DNMT1: variants seen among roughly 807,000 people sequenced by gnomAD.
DNMT1 encodes DNA methyltransferase 1.
Under a neutral mutation model 205.3 loss-of-function variants are expected in DNMT1, and 24 were observed. The ratio of observed to expected loss-of-function variants is 0.12; its 90% CI spans 0.08 to 0.16. DNMT1 has a LOEUF of 0.16. DNMT1 is among the 10% of genes least tolerant of loss of function. The probability of loss-of-function intolerance (pLI) is 1.00; values close to 1 mark genes in which losing one functional copy is unlikely to be tolerated. For missense variants in DNMT1, 1,293 were observed against 2,177.7 expected (o/e 0.59, Z 8.09); for synonymous variants, 817 against 839.8 (o/e 0.97, Z 0.47).
chr19:10,166,606 C>G lies in DNMT1; in HGVS notation c.883G>C (p.Asp295His), dbSNP rs2038698559. ...GVQADEDEDG[D>H]EKDEKKHRSQ... The stretch of plus-strand genomic sequence containing the variant: ...AAATAACCCGCCTTTACTTTCTCGT[C>G]TCCATCTTCGTCCTCGTCAGCCTGC... Residue 295 changes from aspartate to histidine, a missense_variant, in exon 11 of 41, where the codon GAC (aspartate) becomes CAC (histidine). Asp to His is a moderately conservative substitution (Grantham distance 81, BLOSUM62 -1). Coordinates refer to ENST00000359526, the MANE Select transcript of DNMT1 (RefSeq NM_001130823.3). 6.2e-7 allele frequency: 1 copy of G among 1,614,074 alleles called. No individual in the cohort carries two copies. The highest frequency in any genetic ancestry group is 1.1e-5 in the South Asian group (1 of 91,088).
At chr19:10,176,727 G>A (rs540911857) in intron 6 of DNMT1, among the ~76,000 whole-genome samples, 302 of 152,078 alleles carry the variant, frequency 2.0e-3, no homozygotes, top group African/African-American at 6.9e-3. Flanking sequence ...GCGTGGCGGC[G>A]CGCGCCTGTA....
chr19:10,146,204 G>T lies in DNMT1; in HGVS notation c.2894+147C>A. On this transcript the variant is annotated intron_variant, in intron 28 of 40. Transcript: ENST00000359526. This position sits in a 1 kb window ranked among gnomAD's most constrained non-coding sequence, Gnocchi z 4.4. ...ATGGTCAGTCTACACGATTTATGTT[G>T]TCTGTTTGCCACCTATGCCAACGTG... is the stretch of plus-strand genomic sequence containing the variant. The T allele has an allele frequency of 1.1e-6, 1 of 910,358 alleles. No homozygotes were observed. Among genetic ancestry groups the T allele is most frequent in the Non-Finnish European group, 1.6e-6 (1 of 607,214 alleles). 56.4% of individuals were successfully genotyped at this position (910,358 alleles called of 1,614,324 possible).
chr19:10,155,982 C>G (rs1460240911), intron 18 of DNMT1, 37 bp from the exon 19 acceptor site: 1 of 1,599,438 alleles, frequency 6.3e-7, no homozygotes, highest in Non-Finnish European at 8.5e-7. Flanking sequence ...AAGGCTCTGA[C>G]TCACATCCCA....
chr19:10,153,820 G>A (rs1163976494), intron 22 of DNMT1, among the ~76,000 whole-genome samples: 4 of 152,106 alleles, frequency 2.6e-5, no homozygotes, highest in Non-Finnish European at 4.4e-5. Flanking sequence ...AAGAAAGTCA[G>A]GTAATAGGTA....
intron 27 of DNMT1, among the ~76,000 whole-genome samples, chr19:10,147,916 C>A (rs1193944484): frequency 1.3e-5 from 2 of 150,976 alleles, no homozygotes; most frequent in Non-Finnish European, 2.9e-5. Context: ...GAGTTCGAGA[C>A]CAGCCTGACC....
chr19:10,165,962 C>T (rs2145338653), intron 11 of DNMT1, among the ~76,000 whole-genome samples: 1 of 152,272 alleles, frequency 6.6e-6, no homozygotes, highest in Admixed American at 6.5e-5. Context: ...TGACCTTGGG[C>T]TCCACTCTCT....
Position 10,140,710 on chromosome 19 carries a change from A to T in DNMT1, c.3523+71T>A, listed in dbSNP as rs374856632. On this transcript the variant is annotated intron_variant, in intron 32 of 40. Transcript: ENST00000359526. The surrounding 1 kb of genome is among the most constrained non-coding windows in gnomAD (Gnocchi z 8.4). Reference sequence around the variant, plus strand: ...AGTCAGGAAGGTGACCGGGGTTGGAAGTCGTTTCAGGTAGCACCTGCCCGG... The same window carrying T: ...AGTCAGGAAGGTGACCGGGGTTGGATGTCGTTTCAGGTAGCACCTGCCCGG... The T allele has an allele frequency of 1.1e-4, 180 of 1,612,368 alleles. No homozygotes were observed. In the African/African-American group the frequency reaches 2.0e-3, roughly 18 times the overall value.
rs2039373750 is a variant in DNMT1 at position 10,194,805 on chromosome 19, C to T, written c.80+15G>A. 3 of 1,611,130 alleles carry T rather than the reference C, an allele frequency of 1.9e-6. No individual in the cohort carries two copies. The highest frequency in any genetic ancestry group is 1.6e-4 in the Middle Eastern group (1 of 6,072). On this transcript the variant is annotated intron_variant, in intron 1 of 40. Coordinates refer to ENST00000359526, the MANE Select transcript of DNMT1 (RefSeq NM_001130823.3). ...CCTGTCCCCCTGAGTCCGTGTTCCC[C>T]CCCATGGTACCTACCGCCTGCGGAC...
chr19:10,176,418 G>C (rs1268079000), intron 6 of DNMT1, among the ~76,000 whole-genome samples: 1 of 152,136 alleles, frequency 6.6e-6, no homozygotes, highest in Non-Finnish European at 1.5e-5. Context: ...TAACTTTAAG[G>C]AACAAGTCAA....
At chr19:10,161,689 G>A in intron 13 of DNMT1, among the ~76,000 whole-genome samples, 1 of 152,082 alleles carries the variant, frequency 6.6e-6, no homozygotes, top group East Asian at 1.9e-4. Flanking sequence ...ATTGATGAGG[G>A]GGTATACAGA....
In DNMT1 at chr19:10,154,897, T is replaced by A; in HGVS notation, c.1644+8A>T. ...AATCCCGGATGCTGAGGACCCTCGATCTCTTACCTCGATCTTGTTGATCAG... is the reference window on the plus strand; with the variant it reads ...AATCCCGGATGCTGAGGACCCTCGAACTCTTACCTCGATCTTGTTGATCAG... On this transcript the variant is annotated splice_region_variant and intron_variant, in intron 20 of 40. Coordinates refer to ENST00000359526, the MANE Select transcript of DNMT1 (RefSeq NM_001130823.3). This position sits in a 1 kb window ranked among gnomAD's most constrained non-coding sequence, Gnocchi z 6.3. 1.2e-6 allele frequency: 2 copies of A among 1,614,204 alleles called. No homozygotes were observed. The highest frequency in any genetic ancestry group is 1.7e-6 in the Non-Finnish European group (2 of 1,180,040).
chr19:10,158,879 T>C (rs2038510701), intron 17 of DNMT1, among the ~76,000 whole-genome samples: 1 of 152,188 alleles, frequency 6.6e-6, no homozygotes, highest in Non-Finnish European at 1.5e-5. Context: ...CCTCGGCCTC[T>C]TCTCTCACAG....
chr19:10,156,330 A>G lies in DNMT1; in HGVS notation c.1399+61T>C. The stretch of plus-strand genomic sequence containing the variant: ...CCAAAGTGCTAGGATTACAGATGTG[A>G]GCCACCCTGCCTGGCTGTTTTTAAA... On this transcript the variant is annotated intron_variant, in intron 18 of 40. Coordinates refer to ENST00000359526, the MANE Select transcript of DNMT1 (RefSeq NM_001130823.3). This position sits in a 1 kb window ranked among gnomAD's most constrained non-coding sequence, Gnocchi z 4.2. The G allele has an allele frequency of 7.3e-7, 1 of 1,360,650 alleles. No individual in the cohort carries two copies. The highest frequency in any genetic ancestry group is 1.0e-6 in the Non-Finnish European group (1 of 953,354). 84.3% of individuals were successfully genotyped at this position (1,360,650 alleles called of 1,614,324 possible).
chr19:10,157,067 T>C (rs1182906694), intron 17 of DNMT1, among the ~76,000 whole-genome samples: 3 of 152,190 alleles, frequency 2.0e-5, no homozygotes, highest in Non-Finnish European at 4.4e-5. Context: ...GTGCGGGAAA[T>C]ACCGGTTTCT....
intron 27 of DNMT1, among the ~76,000 whole-genome samples, chr19:10,148,116 C>CAAA (rs35310173): frequency 2.0e-4 from 12 of 59,272 alleles, no homozygotes; most frequent in African/African-American, 3.6e-4. Context: ...AACTCTGTCT[C>CAAA]AAAAAAAAAA....
In DNMT1 at chr19:10,154,708, C is replaced by A; in HGVS notation, c.1710G>T (p.Ala570=). The part of the protein sequence containing the change: ...RFTEDSLLRH[A]QFVVEQVESY... ...TCTCCACCTGCTCCACCACAAACTG[C>A]GCGTGTCGCAGGAGGGAGTCCTCTG... Residue 570 remains alanine (A), a synonymous_variant, in exon 21 of 41, where the codon GCG becomes GCT. Transcript: ENST00000359526. The surrounding 1 kb of genome is among the most constrained non-coding windows in gnomAD (Gnocchi z 6.3). 6.2e-7 allele frequency: 1 copy of A among 1,614,242 alleles called. No individual in the cohort carries two copies. Among genetic ancestry groups the A allele is most frequent in the Non-Finnish European group, 8.5e-7 (1 of 1,180,038 alleles).
Position 10,136,112 on chromosome 19 carries a change from C to T in DNMT1, c.4656+9G>A, listed in dbSNP as rs367724672. Reference sequence around the variant, plus strand: ...GACCCAGGCCCTCGGATGCCCCCTCCCCACCTACCTGCTTGCCCATGGGCT... The same window carrying T: ...GACCCAGGCCCTCGGATGCCCCCTCTCCACCTACCTGCTTGCCCATGGGCT... On this transcript the variant is annotated intron_variant, in intron 38 of 40. Transcript: ENST00000359526. 140 of 1,613,940 alleles carry T rather than the reference C, an allele frequency of 8.7e-5. No homozygotes were observed. In the African/African-American group the frequency reaches 1.8e-3, roughly 21 times the overall value.
At chr19:10,166,840 A>G (rs2038705732) in intron 10 of DNMT1, among the ~76,000 whole-genome samples, 155 bp from the exon 11 acceptor site, 1 of 152,202 alleles carries the variant, frequency 6.6e-6, no homozygotes. Context: ...GAGGGCATTT[A>G]CTACTCCAGG....
At chr19:10,173,950 T>C in intron 7 of DNMT1, 45 bp from the exon 8 acceptor site, 1 of 1,592,090 alleles carries the variant, frequency 6.3e-7, no homozygotes. Context: ...AATACTGGTT[T>C]CAAGGGAAGG....
Sources: gnomAD v4.1 joint callset for allele counts (sites outside exome capture counted in the v4.1 genomes callset) on GRCh38, gnomAD v4.1.1 for gene constraint, Gnocchi (gnomAD v3.1) non-coding constraint, MANE v1.5 for transcripts, NCBI Gene and HGNC (gene_info 2026-07-23, HGNC 2026-07-21) for gene names.